The following KCNMB3 variants were observed in gnomAD, a reference collection of about 807,000 sequenced individuals.
The protein encoded by KCNMB3 is calcium-activated potassium channel subunit beta-3.
A neutral mutation model predicts 11.9 loss-of-function variants in KCNMB3; 18 were observed. That is an observed-to-expected ratio of 1.51 (90% CI 1.04 to 2.23). The LOEUF (loss-of-function observed/expected upper bound fraction) is 2.23, where lower values mean the gene tolerates loss of function less well. Among genes scored for constraint, KCNMB3 ranks in the 30% most tolerant of loss-of-function variants. KCNMB3 has a pLI of 0.00. For missense variants in KCNMB3, 247 were observed against 329.4 expected (o/e 0.75, Z 1.94); for synonymous variants, 78 against 119.2 (o/e 0.65, Z 2.25).
intron 1 of KCNMB3, among the ~76,000 whole-genome samples, chr3:179,258,681 T>C (rs1258103918): frequency 1.3e-5 from 2 of 152,262 alleles, no homozygotes; most frequent in Non-Finnish European, 2.9e-5. Flanking sequence ...TGGTCAAGAA[T>C]ATTCACATTC....
intron 1 of KCNMB3, 99 bp downstream of exon 1, chr3:179,250,644 T>G: frequency 8.4e-7 from 1 of 1,191,602 alleles, no homozygotes; most frequent in Non-Finnish European, 1.2e-6. Context: ...TGGCAGAGAG[T>G]CACAGATTGA....
At chr3:179,248,789 A>G (rs1725732591) in intron 1 of KCNMB3, among the ~76,000 whole-genome samples, 1 of 152,000 alleles carries the variant, frequency 6.6e-6, no homozygotes, top group South Asian at 2.1e-4. Context: ...CCTTACCAAT[A>G]AACAGTTGAT....
exon 1 of KCNMB3, chr3:179,266,765 G>C: frequency 6.2e-7 from 1 of 1,605,722 alleles, no homozygotes; most frequent in Admixed American, 1.7e-5. Flanking sequence ...GCCCCTGCGG[G>C]CGCAAGAAAG....
rs550497738 is a variant in KCNMB3 at position 179,260,912 on chromosome 3, G to GA, written c.62+5736dup. 1.9e-5 allele frequency: 21 copies of GA among 1,128,472 alleles called. No homozygotes were observed. In the African/African-American group the frequency reaches 3.2e-4, roughly 17 times the overall value. 69.9% of individuals were successfully genotyped at this position (1,128,472 alleles called of 1,614,324 possible). On this transcript the variant is annotated intron_variant, in intron 1 of 3. Coordinates refer to the KCNMB3 transcript ENST00000349697. ...GTTTTCATTGTCTAACTGAGCATTG[G>GA]AAAACATAGCCTTCTTACATTTCTC...
At chr3:179,259,671 T>G in intron 1 of KCNMB3, 1 of 1,607,984 alleles carries the variant, frequency 6.2e-7, no homozygotes, top group Non-Finnish European at 8.5e-7. Flanking sequence ...TAACTCTTTT[T>G]AAACATCTTT....
intron 1 of KCNMB3, among the ~76,000 whole-genome samples, chr3:179,250,017 C>A (rs1020719531): frequency 1.3e-5 from 2 of 152,188 alleles, no homozygotes; most frequent in Admixed American, 1.3e-4. Flanking sequence ...ACATTCTGTA[C>A]ATGTACCCCG....
chr3:179,245,235 T>C (rs1007079788), intron 1 of KCNMB3, among the ~76,000 whole-genome samples: 1 of 152,042 alleles, frequency 6.6e-6, no homozygotes, highest in Non-Finnish European at 1.5e-5. Flanking sequence ...CTGATGAAAA[T>C]GTGCCTTTGG....
downstream of KCNMB3, chr3:179,239,838 G>GT (rs1171325855): frequency 2.0e-6 from 1 of 494,486 alleles, no homozygotes; most frequent in Non-Finnish European, 3.6e-6. Context: ...GAAGAAAAAC[G>GT]TTTTTAATGT....
rs749107623 is a variant in KCNMB3 at position 179,244,067 on chromosome 3, A to ATTTC, written c.447+424_447+427dup. Among the ~76,000 whole-genome samples the ATTTC allele has an allele frequency of 2.0e-5, 3 of 152,336 alleles. No individual in the cohort carries two copies. The East Asian group carries it at 5.8e-4, about 29-fold the overall frequency. On this transcript the variant is annotated intron_variant, in intron 2 of 2. Coordinates refer to ENST00000392685, the MANE Select transcript of KCNMB3 (RefSeq NM_171830.2). Reference sequence around the variant, plus strand: ...CATATGAAAGACTATTTCAGGGATCATTTCTATAATTCGTTAAATCATATG... The same window carrying ATTTC: ...CATATGAAAGACTATTTCAGGGATCATTTCTTTCTATAATTCGTTAAATCATATG...
At chr3:179,240,935 ATACT>A (rs1725439334), downstream of KCNMB3, 1 of 152,206 alleles carries the variant, frequency 6.6e-6, no homozygotes, top group African/African-American at 2.4e-5. Context: ...GTGTACTTAC[ATACT>A]TTATTACAGA....
chr3:179,264,477 T>C (rs1726313707), intron 1 of KCNMB3, among the ~76,000 whole-genome samples: 1 of 152,228 alleles, frequency 6.6e-6, no homozygotes, highest in Non-Finnish European at 1.5e-5. Context: ...ACATGTCCGC[T>C]TCTAACCAGT....
chr3:179,246,652 G>A (rs1237717893), intron 1 of KCNMB3, among the ~76,000 whole-genome samples: 1 of 152,126 alleles, frequency 6.6e-6, no homozygotes, highest in East Asian at 1.9e-4. Context: ...CATAGACTTA[G>A]CACTGGCCTG....
chr3:179,248,321 CT>C (rs1725713643), intron 1 of KCNMB3, among the ~76,000 whole-genome samples: 2 of 152,172 alleles, frequency 1.3e-5, no homozygotes, highest in South Asian at 4.1e-4. Flanking sequence ...ACAGCATATA[CT>C]TAATAAGTAG....
chr3:179,247,169 G>T lies in KCNMB3; in HGVS notation c.249-2476C>A, dbSNP rs1375242408. On this transcript the variant is annotated intron_variant, in intron 1 of 2. Transcript: ENST00000392685. ...ATAATTTCCAGGAATGCTTAGAAAA[G>T]TAAAACTTAATTATGAGCAACAGTT... Among the ~76,000 whole-genome samples, 3 of 152,070 alleles carry T rather than the reference G, an allele frequency of 2.0e-5. No individual in the cohort carries two copies. The East Asian group carries it at 5.8e-4, about 29-fold the overall frequency.
intron 1 of KCNMB3, among the ~76,000 whole-genome samples, chr3:179,262,560 G>C (rs1002324903): frequency 6.6e-6 from 1 of 152,202 alleles, no homozygotes; most frequent in Non-Finnish European, 1.5e-5. Context: ...AAAGGGACCT[G>C]AGCAGGTTGC....
chr3:179,250,195 T>C (rs2108445815), intron 1 of KCNMB3, among the ~76,000 whole-genome samples: 1 of 152,076 alleles, frequency 6.6e-6, no homozygotes, highest in African/African-American at 2.4e-5. Context: ...GTCTCAGGGG[T>C]GGCAGGCACA....
chr3:179,256,342 A>C (rs1726011084), upstream of KCNMB3, among the ~76,000 whole-genome samples: 2 of 152,182 alleles, frequency 1.3e-5, no homozygotes, highest in African/African-American at 4.8e-5. Flanking sequence ...AGGCTGAAAC[A>C]GGAGAATCAC....
chr3:179,239,993 C>T (rs1725410145), downstream of KCNMB3: 2 of 1,539,396 alleles, frequency 1.3e-6, no homozygotes, highest in Non-Finnish European at 1.8e-6. Context: ...CCTGTGACTG[C>T]ACTTACTGTT....
At chr3:179,260,635 G>T (rs1726175710) in intron 1 of KCNMB3, 1 of 1,339,142 alleles carries the variant, frequency 7.5e-7, no homozygotes, top group South Asian at 1.2e-5. Flanking sequence ...AAACATTACT[G>T]AGAGTGTCGG....
Sources: allele counts gnomAD v4.1 joint callset (sites outside exome capture counted in the v4.1 genomes callset), GRCh38; gene constraint gnomAD v4.1.1; transcripts MANE v1.5; gene names NCBI Gene and HGNC (gene_info 2026-07-23, HGNC 2026-07-21).